RTEL1: variants seen among roughly 807,000 people sequenced by gnomAD.
RTEL1 encodes the protein regulator of telomere elongation helicase 1.
A neutral mutation model predicts 162.2 loss-of-function variants in RTEL1; 86 were observed. That is an observed-to-expected ratio of 0.53 (90% CI 0.45 to 0.63). The LOEUF (loss-of-function observed/expected upper bound fraction) is 0.63, where lower values mean the gene tolerates loss of function less well. Ranked by LOEUF, RTEL1 falls within the 30% of genes least tolerant of loss-of-function variation. The pLI is 0.00. For synonymous variants in RTEL1, 958 were observed against 717.9 expected (o/e 1.33, Z -5.35); for missense variants, 1,941 against 1,750.2 (o/e 1.11, Z -1.95).
chr20:63,685,531 C>T lies in RTEL1; in HGVS notation c.1200C>T (p.Phe400=), dbSNP rs1230457078. Residue 400 remains phenylalanine, a synonymous_variant, in exon 15 of 35, where the codon TTC becomes TTT. Coordinates refer to ENST00000360203, the MANE Select transcript of RTEL1 (RefSeq NM_001283009.2). The part of the protein sequence containing the change: ...QKLADIIQIV[F]SVDPSEGSPG... The stretch of plus-strand genomic sequence containing the variant: ...CTTCCTCTGCCTTTCAGATTGTGTT[C>T]AGTGTGGACCCCTCCGAGGGCAGCC... 1.9e-6 allele frequency: 3 copies of T among 1,612,584 alleles called. No individual in the cohort carries two copies. The highest frequency in any genetic ancestry group is 2.5e-6 in the Non-Finnish European group (3 of 1,179,858).
chr20:63,677,491 T>C (rs1213370448), intron 10 of RTEL1, among the ~76,000 whole-genome samples: 2 of 152,156 alleles, frequency 1.3e-5, no homozygotes, highest in African/African-American at 4.8e-5. Context: ...GGCGCACACC[T>C]ATAGTCCCAG....
At chr20:63,678,067 A>G (rs969561473) in intron 10 of RTEL1, 78 bp from the exon 11 acceptor site, 13 of 1,549,120 alleles carry the variant, frequency 8.4e-6, no homozygotes, top group Middle Eastern at 1.7e-4. Flanking sequence ...TTTCCATGCC[A>G]GGAATCCTGG....
Position 63,661,593 on chromosome 20 carries a change from C to A in RTEL1, c.301+97C>A. ...GTGGGCCCATGGGGACTCCTGCCGTCTCTCAAGCAGAACTCAAGGAGAATT... is the reference window on the plus strand; with the variant it reads ...GTGGGCCCATGGGGACTCCTGCCGTATCTCAAGCAGAACTCAAGGAGAATT... On this transcript the variant is annotated intron_variant, in intron 3 of 34. Coordinates refer to ENST00000360203, the MANE Select transcript of RTEL1 (RefSeq NM_001283009.2). This position sits in a 1 kb window ranked among gnomAD's most constrained non-coding sequence, Gnocchi z 5.1. The A allele has an allele frequency of 8.0e-7, 1 of 1,242,594 alleles. No homozygotes were observed. Among genetic ancestry groups the A allele is most frequent in the Non-Finnish European group, 1.1e-6 (1 of 896,106 alleles). 77.0% of individuals were successfully genotyped at this position (1,242,594 alleles called of 1,614,324 possible). A position where few individuals can be genotyped will look rare whatever the true frequency, so the allele number is the denominator to read the frequency against.
chr20:63,667,653 C>A, intron 8 of RTEL1, 100 bp downstream of exon 8: 1 of 976,132 alleles, frequency 1.0e-6, no homozygotes, highest in Non-Finnish European at 1.6e-6. Flanking sequence ...GGCCTTAGAT[C>A]AGCAGGCCTG....
chr20:63,688,039 G>T lies in RTEL1; in HGVS notation c.1584G>T (p.Ala528=), dbSNP rs568600515. The T allele has an allele frequency of 6.2e-6, 10 of 1,612,724 alleles. No homozygotes were observed. The South Asian group carries it at 1.1e-4, about 18-fold the overall frequency. The change falls in exon 18 of 35, where the codon GCG becomes GCT. Residue 528 remains alanine (A), a synonymous_variant. Coordinates refer to ENST00000360203, the MANE Select transcript of RTEL1 (RefSeq NM_001283009.2). ...CCGATGGAGCCCAGTTGAGCTCCGC[G>T]TTTGACAGACGGTGAGGGCCTGTCC... ...RGPDGAQLSS[A]FDRRFSEECL...
chr20:63,666,732 C>T (rs1013084335), intron 7 of RTEL1, among the ~76,000 whole-genome samples: 1 of 152,006 alleles, frequency 6.6e-6, no homozygotes. Context: ...GACAGGGTCT[C>T]ACTCTGTTGC....
intron 7 of RTEL1, among the ~76,000 whole-genome samples, chr20:63,666,497 A>T (rs1039750878): frequency 6.6e-6 from 1 of 152,132 alleles, no homozygotes; most frequent in Non-Finnish European, 1.5e-5. Flanking sequence ...TCAGAGATTC[A>T]AGTTATAATA....
chr20:63,683,838 C>T (rs1158197393), intron 14 of RTEL1, among the ~76,000 whole-genome samples: 4 of 152,194 alleles, frequency 2.6e-5, no homozygotes, highest in Admixed American at 6.5e-5. Context: ...TTGCAGGGTT[C>T]TCTGTAAGTT....
In RTEL1 at chr20:63,695,061, C is replaced by A. The variant is rs751914068; in HGVS notation, c.3344-5C>A. On this transcript the variant is annotated splice_polypyrimidine_tract_variant and splice_region_variant and intron_variant, in intron 32 of 34. Transcript: ENST00000360203. ...TGTGCCGGGTCTGATTGAAGCTCCC[C>A]GCAGGGTTCAGCATGTTTGTGCGTC... The A allele has an allele frequency of 6.2e-7, 1 of 1,611,934 alleles. No individual in the cohort carries two copies. The highest frequency in any genetic ancestry group is 8.5e-7 in the Non-Finnish European group (1 of 1,179,596).
chr20:63,691,743 C>A lies in RTEL1; in HGVS notation c.2558C>A (p.Ala853Asp), dbSNP rs746102666. 1 of 1,611,770 alleles carries A rather than the reference C, an allele frequency of 6.2e-7. No homozygotes were observed. Among genetic ancestry groups the A allele is most frequent in the African/African-American group, 1.3e-5 (1 of 74,886 alleles). Residue 853 changes from alanine (A) to aspartate (D), a missense_variant and splice_region_variant, in exon 28 of 35, where the codon GCC becomes GAC. By Grantham distance (126) the Ala-to-Asp change is moderately radical. Coordinates refer to ENST00000360203, the MANE Select transcript of RTEL1 (RefSeq NM_001283009.2). ...GGTTGTGAGCTGTGTCCTCCTCAGG[C>A]CCACAGCTGCTCCACCCTGTCCCTC... The part of the protein sequence containing the change: ...QRAGSPGEEQ[A>D]HSCSTLSLLS...
intron 26 of RTEL1, 46 bp downstream of exon 26, chr20:63,690,487 G>A (rs776665235): frequency 1.9e-5 from 26 of 1,370,822 alleles, no homozygotes; most frequent in East Asian, 1.2e-4. Context: ...GTGGCGGAGC[G>A]GGCGGCGTGG....
chr20:63,665,973 G>A lies in RTEL1; in HGVS notation c.539-31G>A. ...GTCTGGGACTTAGTGGACCCTGAGG[G>A]TGTGTGTTTACCCCTGCCTCACACC... is the stretch of plus-strand genomic sequence containing the variant. On this transcript the variant is annotated intron_variant, in intron 6 of 34. Coordinates refer to ENST00000360203, the MANE Select transcript of RTEL1 (RefSeq NM_001283009.2). 1.9e-6 allele frequency: 3 copies of A among 1,606,546 alleles called. No homozygotes were observed. In the Admixed American group the frequency reaches 5.0e-5, roughly 27 times the overall value.
chr20:63,689,552 C>G lies in RTEL1; in HGVS notation c.1929C>G (p.Val643=). ...ACACGAATGGCCGTGGTGTGATTGT[C>G]ACGGGCCTCCCGTACCCCCCACGCA... is the stretch of plus-strand genomic sequence containing the variant. The part of the protein sequence containing the change: ...FSDTNGRGVI[V]TGLPYPPRMD... The change falls in exon 23 of 35, where the codon GTC becomes GTG. Residue 643 remains valine (V), a synonymous_variant. Transcript: ENST00000360203. The G allele has an allele frequency of 6.2e-7, 1 of 1,611,398 alleles. No homozygotes were observed. The highest frequency in any genetic ancestry group is 8.5e-7 in the Non-Finnish European group (1 of 1,179,494).
chr20:63,695,063 C>T lies in RTEL1; in HGVS notation c.3344-3C>T, dbSNP rs2090940192. 3 of 1,612,062 alleles carry T rather than the reference C, an allele frequency of 1.9e-6. No individual in the cohort carries two copies. The highest frequency in any genetic ancestry group is 2.2e-5 in the South Asian group (2 of 91,066). ...TGCCGGGTCTGATTGAAGCTCCCCG[C>T]AGGGTTCAGCATGTTTGTGCGTCCA... On this transcript the variant is annotated splice_polypyrimidine_tract_variant and splice_region_variant and intron_variant, in intron 32 of 34. Coordinates refer to ENST00000360203, the MANE Select transcript of RTEL1 (RefSeq NM_001283009.2).
chr20:63,679,638 G>A (rs567802064), intron 12 of RTEL1, among the ~76,000 whole-genome samples: 2 of 152,148 alleles, frequency 1.3e-5, no homozygotes, highest in Non-Finnish European at 2.9e-5. Context: ...ATTTGTTTCC[G>A]AGGGAAGGAA....
intron 12 of RTEL1, among the ~76,000 whole-genome samples, chr20:63,678,678 C>T (rs1245507530): frequency 4.8e-4 from 63 of 131,868 alleles, no homozygotes; most frequent in African/African-American, 1.7e-3. Context: ...CGGAACGGCA[C>T]ACACACCCAC....
At chr20:63,666,576 C>A (rs2090133072) in intron 7 of RTEL1, among the ~76,000 whole-genome samples, 1 of 152,218 alleles carries the variant, frequency 6.6e-6, no homozygotes. Flanking sequence ...CGCTCTGCTA[C>A]CCAGGCTGCA....
intron 8 of RTEL1, among the ~76,000 whole-genome samples, chr20:63,669,317 T>C (rs1335034580): frequency 2.0e-5 from 3 of 152,194 alleles, no homozygotes; most frequent in African/African-American, 7.2e-5. Context: ...AAAGCTAAAC[T>C]AAAAGTTATA....
chr20:63,688,956 C>T (rs920572663), intron 21 of RTEL1, 99 bp from the exon 22 acceptor site: 31 of 1,094,268 alleles, frequency 2.8e-5, no homozygotes, highest in African/African-American at 6.2e-5. Flanking sequence ...CTGGCTAGGA[C>T]GATCCTTCAT....
Sources: allele counts gnomAD v4.1 joint callset (sites outside exome capture counted in the v4.1 genomes callset), GRCh38; gene constraint gnomAD v4.1.1; non-coding constraint Gnocchi (gnomAD v3.1); transcripts MANE v1.5; gene names NCBI Gene and HGNC (gene_info 2026-07-23, HGNC 2026-07-21).